GDAP2: variants seen among roughly 807,000 people sequenced by gnomAD.
GDAP2 encodes the protein ganglioside-induced differentiation-associated protein 2.
GDAP2 carries 51 observed loss-of-function variants against 67.0 expected under a neutral mutation model. The observed-to-expected ratio is 0.76, with a 90% confidence interval of 0.61 to 0.96. GDAP2 has a LOEUF of 0.96. GDAP2 is among the 40% of genes least tolerant of loss of function. The probability of loss-of-function intolerance (pLI) is 0.00; values close to 1 mark genes in which losing one functional copy is unlikely to be tolerated. For missense variants in GDAP2, 547 were observed against 588.3 expected, an observed-to-expected ratio of 0.93 and a Z score of 0.73; for synonymous variants, 203 against 207.3, an observed-to-expected ratio of 0.98 and a Z score of 0.18.
rs2093187 is a variant in GDAP2, at chr1:117,894,770, T to C, written c.953+2063A>G. Among the ~76,000 whole-genome samples the C allele has an allele frequency of 5.9e-3, 894 of 152,254 alleles. 6 individuals carry two copies. The highest frequency in any genetic ancestry group is 0.033 in the East Asian group (170 of 5,172). ...TATGTGGCAGGTGTTTTCCCAAAAA[T>C]GAATAAAGTGACCCTGACATTTCAA... is the stretch of plus-strand genomic sequence containing the variant. On this transcript the variant is annotated intron_variant, in intron 8 of 13. Coordinates refer to ENST00000369443, the MANE Select transcript of GDAP2 (RefSeq NM_017686.4).
rs962456247 is a variant in GDAP2 at position 117,868,885 on chromosome 1, A to C, written c.*1684T>G. On this transcript the variant is annotated 3_prime_UTR_variant, in exon 14 of 14. Transcript: ENST00000369443. The stretch of plus-strand genomic sequence containing the variant: ...ATCAAGTAATTTTGAGGTCTGACAC[A>C]AAGAAAATGTGTTCAATACATGCAA... 6.6e-6 allele frequency: 1 copy of C among 152,230 alleles called. No individual in the cohort carries two copies. The highest frequency in any genetic ancestry group is 2.4e-5 in the African/African-American group (1 of 41,468). 9.4% of individuals were successfully genotyped at this position (152,230 alleles called of 1,614,324 possible).
chr1:117,876,299 C>T (rs1265731729), intron 13 of GDAP2, among the ~76,000 whole-genome samples: 1 of 152,144 alleles, frequency 6.6e-6, no homozygotes, highest in Non-Finnish European at 1.5e-5. Context: ...TCCCTTCCCA[C>T]CATGAGATCC....
At chr1:117,888,755 T>C (rs1648957571) in intron 8 of GDAP2, among the ~76,000 whole-genome samples, 1 of 152,156 alleles carries the variant, frequency 6.6e-6, no homozygotes, top group Non-Finnish European at 1.5e-5. Context: ...TGGCTTCTAA[T>C]CCTACTGCTT....
In GDAP2 at chr1:117,867,527, GAAA is replaced by G. The variant is rs745964438; in HGVS notation, c.*3039_*3041del. 2,144 of 79,996 alleles carry G rather than the reference GAAA, an allele frequency of 0.027. 63 individuals carry two copies. The highest frequency in any genetic ancestry group is 0.092 in the African/African-American group (1,941 of 21,078). The allele number at this position is 79,996 out of a possible 1,614,324, so 5.0% of individuals were successfully genotyped here. A position where few individuals can be genotyped will look rare whatever the true frequency, so the allele number is the denominator to read the frequency against. ...AACATGGTGAAACCCTGTCTCTACT[GAAA>G]AAAAAAAAAAAAAAAAAAAAAATTA... is the stretch of plus-strand genomic sequence containing the variant. On this transcript the variant is annotated 3_prime_UTR_variant, in exon 14 of 14. Coordinates refer to ENST00000369443, the MANE Select transcript of GDAP2 (RefSeq NM_017686.4).
At chr1:117,877,975 T>C in intron 13 of GDAP2, 34 bp downstream of exon 13, 5 of 1,612,026 alleles carry the variant, frequency 3.1e-6, no homozygotes, top group Non-Finnish European at 4.2e-6. Flanking sequence ...TAATATACCA[T>C]ACCAGGTGAG....
In GDAP2 at chr1:117,883,564, A is replaced by C; in HGVS notation, c.1171T>G (p.Phe391Val). 1 of 1,600,278 alleles carries C rather than the reference A, an allele frequency of 6.2e-7. No homozygotes were observed. The highest frequency in any genetic ancestry group is 1.1e-5 in the South Asian group (1 of 90,774). The stretch of plus-strand genomic sequence containing the variant: ...TTGTATTCGCTGGTCAGGGTGTGAA[A>C]ATACACTAATACATACTCCTTCACA... ...IAVKEYVLVY[F>V]HTLTSEYNHL... Residue 391 changes from phenylalanine to valine, a missense_variant, in exon 11 of 14, where the codon TTT (phenylalanine) becomes GTT (valine). Physicochemically the swap from Phe to Val is conservative, Grantham distance 50. Coordinates refer to ENST00000369443, the MANE Select transcript of GDAP2 (RefSeq NM_017686.4).
At chr1:117,886,689 T>C in intron 9 of GDAP2, 36 bp from the exon 10 acceptor site, 1 of 1,030,108 alleles carries the variant, frequency 9.7e-7, no homozygotes, top group Non-Finnish European at 1.5e-6. Context: ...CCCAGAAACT[T>C]CATTCCAAGA....
chr1:117,887,462 A>G (rs748805328), intron 9 of GDAP2, among the ~76,000 whole-genome samples: 2 of 152,220 alleles, frequency 1.3e-5, no homozygotes, highest in African/African-American at 2.4e-5. Context: ...AACATTTTTT[A>G]AAAGGGACAC....
intron 4 of GDAP2, 43 bp downstream of exon 4, chr1:117,912,487 A>G: frequency 3.3e-6 from 5 of 1,533,210 alleles, no homozygotes; most frequent in Non-Finnish European, 4.4e-6. Flanking sequence ...GGGGCCTTTA[A>G]CAATGTATGA....
chr1:117,878,247 T>C lies in GDAP2; in HGVS notation c.1303-95A>G, dbSNP rs1418435992. The C allele has an allele frequency of 8.3e-6, 5 of 601,584 alleles. No homozygotes were observed. The South Asian group carries it at 8.7e-5, about 11-fold the overall frequency. The allele number at this position is 601,584 out of a possible 1,614,324, so 37.3% of individuals were successfully genotyped here. A position where few individuals can be genotyped will look rare whatever the true frequency, so the allele number is the denominator to read the frequency against. On this transcript the variant is annotated intron_variant, in intron 12 of 13. Transcript: ENST00000369443. The stretch of plus-strand genomic sequence containing the variant: ...AATTTATAGTAGATAAAAACTATAT[T>C]TCAAAGTCTTAAAATAACTAGTGTT...
chr1:117,923,105 C>A (rs750408950), intron 1 of GDAP2, among the ~76,000 whole-genome samples: 1 of 152,240 alleles, frequency 6.6e-6, no homozygotes, highest in African/African-American at 2.4e-5. Context: ...CAGGCAGCCA[C>A]ACTTTAAGGT....
intron 13 of GDAP2, among the ~76,000 whole-genome samples, chr1:117,872,061 T>C (rs914683360): frequency 1.3e-5 from 2 of 151,970 alleles, no homozygotes; most frequent in Non-Finnish European, 2.9e-5. Context: ...AAAAGACATA[T>C]ATATGGCCAA....
At chr1:117,918,958 T>C (rs1017573748) in intron 2 of GDAP2, among the ~76,000 whole-genome samples, 3 of 152,144 alleles carry the variant, frequency 2.0e-5, no homozygotes, top group Non-Finnish European at 4.4e-5. Context: ...AAAACCACCA[T>C]GTTTAGAAAT....
chr1:117,906,862 T>C (rs763438020), intron 5 of GDAP2, among the ~76,000 whole-genome samples: 1 of 152,180 alleles, frequency 6.6e-6, no homozygotes, highest in Non-Finnish European at 1.5e-5. Flanking sequence ...GAAAGCTCCA[T>C]AAAGAAGATG....
At chr1:117,874,655 G>A (rs1648395062) in intron 13 of GDAP2, among the ~76,000 whole-genome samples, 1 of 152,216 alleles carries the variant, frequency 6.6e-6, no homozygotes, top group Admixed American at 6.5e-5. Flanking sequence ...GTAATGGGCA[G>A]AGGCTAGAAG....
chr1:117,900,928 CG>C lies in GDAP2; in HGVS notation c.637-1713del, dbSNP rs770962893. 2.6e-5 allele frequency among the ~76,000 whole-genome samples: 4 copies of C among 151,930 alleles called. No homozygotes were observed. The East Asian group carries it at 5.8e-4, about 22-fold the overall frequency. On this transcript the variant is annotated intron_variant, in intron 6 of 13. Coordinates refer to ENST00000369443, the MANE Select transcript of GDAP2 (RefSeq NM_017686.4). ...ACAAAAAATTAGCAGGGGGTGGTAG[CG>C]GGTGCCTGTAGTCCCAGCTACTTGG...
In GDAP2 at chr1:117,917,788, T is replaced by C. The variant is rs114836257; in HGVS notation, c.316+809A>G. ...GTATGTAAGCATACACACATGCCAT[T>C]AGGAATTTTTCCAGACCAGCTTCTC... On this transcript the variant is annotated intron_variant, in intron 3 of 13. Transcript: ENST00000369443. Among the ~76,000 whole-genome samples, 1,072 of 152,338 alleles carry C rather than the reference T, an allele frequency of 7.0e-3. 12 individuals are homozygous for C. The highest frequency in any genetic ancestry group is 0.024 in the African/African-American group (994 of 41,586).
rs189777312 is a variant in GDAP2, at chr1:117,919,265, T to C, written c.177-529A>G. ...GGCAGGCACCTGTAGTCCCAGCTAC[T>C]CAGGAGGCTGAGGCAGGAGAATGGT... On this transcript the variant is annotated intron_variant, in intron 2 of 13. Coordinates refer to ENST00000369443, the MANE Select transcript of GDAP2 (RefSeq NM_017686.4). 5.9e-3 allele frequency among the ~76,000 whole-genome samples: 895 copies of C among 151,316 alleles called. 6 individuals carry two copies. The highest frequency in any genetic ancestry group is 0.01 in the Non-Finnish European group (685 of 67,934).
chr1:117,916,123 G>A (rs76586377), intron 3 of GDAP2, among the ~76,000 whole-genome samples: 2,075 of 152,274 alleles, frequency 0.014, 38 homozygotes, highest in South Asian at 0.093. Flanking sequence ...ACAATTTACA[G>A]GATTACAATT....
Sources: gnomAD v4.1 joint callset for allele counts (sites outside exome capture counted in the v4.1 genomes callset) on GRCh38, gnomAD v4.1.1 for gene constraint, MANE v1.5 for transcripts, NCBI Gene and HGNC (gene_info 2026-07-23, HGNC 2026-07-21) for gene names.